Variants in LSAMP observed in about 807,000 individuals in gnomAD.
The protein encoded by LSAMP is limbic system associated membrane protein.
In LSAMP, 7 loss-of-function variants were observed where a neutral mutation model predicts 38.6. The observed-to-expected ratio is 0.18, with a 90% CI of 0.10 to 0.34. The LOEUF is 0.34. Ranked by LOEUF, LSAMP falls within the 10% of genes least tolerant of loss-of-function variation. The pLI, the probability that LSAMP is intolerant of heterozygous loss-of-function variation, is 1.00. For missense variants in LSAMP, 313 were observed against 420.0 expected (o/e 0.75, Z 2.23); for synonymous variants, 154 against 166.8 (o/e 0.92, Z 0.59).
At chr3:116,366,013 T>TAAAAAAAAAAAA (rs67452614) in intron 1 of LSAMP, among the ~76,000 whole-genome samples, 5 of 28,684 alleles carry the variant, frequency 1.7e-4, no homozygotes, top group African/African-American at 3.9e-4. Flanking sequence ...TAGAGTATAA[T>TAAAAAAAAAAAA]AAAAAAAAAA....
chr3:116,011,054 A>G (rs970985921), intron 3 of LSAMP, among the ~76,000 whole-genome samples: 1 of 150,304 alleles, frequency 6.7e-6, no homozygotes, highest in African/African-American at 2.5e-5. Context: ...CCCAGGCTGG[A>G]GTGCAGTGGC....
intron 1 of LSAMP, among the ~76,000 whole-genome samples, chr3:116,438,789 G>T (rs574332893): frequency 1.3e-5 from 2 of 152,208 alleles, no homozygotes; most frequent in East Asian, 3.9e-4. Context: ...TTCCATAGAC[G>T]TTATGTAAAT....
At chr3:116,097,998 G>A (rs189673469) in intron 1 of LSAMP, among the ~76,000 whole-genome samples, 62 of 152,102 alleles carry the variant, frequency 4.1e-4, no homozygotes, top group Middle Eastern at 6.8e-3. Flanking sequence ...GCCTCCCAAA[G>A]TGCTGGGATT....
At chr3:115,824,824 A>T (rs1268984245) in intron 6 of LSAMP, among the ~76,000 whole-genome samples, 4 of 152,174 alleles carry the variant, frequency 2.6e-5, no homozygotes, top group African/African-American at 7.2e-5. Flanking sequence ...GTTTAAAAAC[A>T]TAAATTTTAT....
intron 3 of LSAMP, among the ~76,000 whole-genome samples, chr3:115,866,910 A>G (rs1330334705): frequency 1.3e-5 from 2 of 152,086 alleles, no homozygotes; most frequent in Non-Finnish European, 2.9e-5. Flanking sequence ...ATTCTCAATT[A>G]ACACCTAAGG....
intron 4 of LSAMP, among the ~76,000 whole-genome samples, chr3:115,852,062 CAGAGGATA>C (rs1935347346): frequency 6.6e-6 from 1 of 152,274 alleles, no homozygotes; most frequent in East Asian, 1.9e-4. Flanking sequence ...ATTTAAATAG[CAGAGGATA>C]AAATATAATC....
intron 2 of LSAMP, among the ~76,000 whole-genome samples, chr3:116,044,698 T>C (rs187307275): frequency 6.6e-6 from 1 of 151,902 alleles, no homozygotes; most frequent in African/African-American, 2.4e-5. Context: ...GGTTTCTGAT[T>C]AGAAGGTAAT....
At chr3:115,916,214 A>T (rs1937248226) in intron 3 of LSAMP, among the ~76,000 whole-genome samples, 1 of 152,120 alleles carries the variant, frequency 6.6e-6, no homozygotes, top group Non-Finnish European at 1.5e-5. Context: ...TTCTCTTCAA[A>T]GCCTGCTGCT....
At chr3:116,271,270 T>G (rs1038325509) in intron 1 of LSAMP, among the ~76,000 whole-genome samples, 5 of 152,082 alleles carry the variant, frequency 3.3e-5, no homozygotes, top group Admixed American at 3.3e-4. Context: ...GGTAAATAAG[T>G]TAATTATACT....
intron 3 of LSAMP, among the ~76,000 whole-genome samples, chr3:116,008,640 G>A (rs1169002590): frequency 6.6e-6 from 1 of 151,996 alleles, no homozygotes; most frequent in East Asian, 1.9e-4. Context: ...CCAGTGATAA[G>A]TATTCAATGA....
Position 116,196,147 on chromosome 3 carries a change from T to A in LSAMP, c.156-109591A>T, listed in dbSNP as rs201119826. 2.1e-4 allele frequency among the ~76,000 whole-genome samples: 32 copies of A among 152,288 alleles called. No individual in the cohort carries two copies. In the East Asian group the frequency reaches 5.0e-3, roughly 24 times the overall value. On this transcript the variant is annotated intron_variant, in intron 1 of 6. Coordinates refer to ENST00000490035, the MANE Select transcript of LSAMP (RefSeq NM_002338.5). ...CCGAGGACTTTCAGGAATATTCAGC[T>A]AAATTTTTATATGCGGAGGTCTTTA... is the stretch of plus-strand genomic sequence containing the variant.
Position 115,810,328 on chromosome 3 carries a change from T to C in LSAMP, c.1006A>G (p.Ser336Gly), listed in dbSNP as rs749512966. ...AAATTTTTATTCTATTAACATTTGC[T>C]GAGAAGGCAGAGCAGAGATGCTGCC... is the stretch of plus-strand genomic sequence containing the variant. Reference protein sequence around the residue: ...LLAASLLCLLSKC With the variant: ...LLAASLLCLLGKC The change falls in exon 7 of 7, where the codon AGC (serine) becomes GGC (glycine). Residue 336 changes from serine (S) to glycine (G), a missense_variant. Ser to Gly is a moderately conservative substitution (Grantham distance 56). Transcript: ENST00000490035. 1.2e-6 allele frequency: 2 copies of C among 1,610,862 alleles called. No homozygotes were observed. The highest frequency in any genetic ancestry group is 2.2e-5 in the South Asian group (2 of 90,552).
chr3:116,321,712 A>G (rs1374872869), intron 1 of LSAMP, among the ~76,000 whole-genome samples: 1 of 152,198 alleles, frequency 6.6e-6, no homozygotes, highest in African/African-American at 2.4e-5. Flanking sequence ...ACAAACTCAC[A>G]CACTCATTCT....
chr3:116,190,128 C>CACATAT (rs768880292), intron 1 of LSAMP, among the ~76,000 whole-genome samples: 4 of 146,426 alleles, frequency 2.7e-5, no homozygotes, highest in African/African-American at 1.0e-4. Flanking sequence ...CACACACACA[C>CACATAT]ATGCATTAAG....
intron 1 of LSAMP, among the ~76,000 whole-genome samples, chr3:116,442,106 A>ACT (rs1276264998): frequency 6.6e-6 from 1 of 152,140 alleles, no homozygotes; most frequent in African/African-American, 2.4e-5. Flanking sequence ...CCTAGTGTGC[A>ACT]CTCTCCTATC....
At chr3:116,194,720 C>T (rs929652391) in intron 1 of LSAMP, among the ~76,000 whole-genome samples, 1 of 152,116 alleles carries the variant, frequency 6.6e-6, no homozygotes, top group Non-Finnish European at 1.5e-5. Context: ...TAGCCCACTA[C>T]GCCTCCTATC....
Position 116,202,157 on chromosome 3 carries a change from G to A in LSAMP, c.156-115601C>T, listed in dbSNP as rs1193010603. ...TCCTTTCTTTTCTTTTTTTTTTTAG[G>A]CAGAGTCTCGCTCTGTTGCCCAGGC... On this transcript the variant is annotated intron_variant, in intron 1 of 6. Transcript: ENST00000490035. Among the ~76,000 whole-genome samples the A allele has an allele frequency of 2.0e-5, 3 of 147,660 alleles. No homozygotes were observed. The Admixed American group carries it at 2.0e-4, about 10-fold the overall frequency.
intron 3 of LSAMP, among the ~76,000 whole-genome samples, chr3:115,856,304 A>G (rs1287531278): frequency 6.6e-6 from 1 of 152,148 alleles, no homozygotes; most frequent in Non-Finnish European, 1.5e-5. Context: ...GCCTTCATGA[A>G]TGAGATTAGT....
At chr3:116,281,305 C>T (rs571626690) in intron 1 of LSAMP, among the ~76,000 whole-genome samples, 3 of 152,250 alleles carry the variant, frequency 2.0e-5, no homozygotes, top group African/African-American at 7.2e-5. Context: ...TCAAGTTTCA[C>T]CTGGGCTGAC....
Sources: gnomAD v4.1 joint callset for allele counts (sites outside exome capture counted in the v4.1 genomes callset) on GRCh38, gnomAD v4.1.1 for gene constraint, MANE v1.5 for transcripts, NCBI Gene and HGNC (gene_info 2026-07-23, HGNC 2026-07-21) for gene names.